DCLK1: variants seen among roughly 807,000 people sequenced by gnomAD.
DCLK1 encodes serine/threonine-protein kinase DCLK1.
A neutral mutation model predicts 86.2 loss-of-function variants in DCLK1; 16 were observed. The ratio of observed to expected loss-of-function variants is 0.19; its 90% confidence interval spans 0.13 to 0.28. DCLK1 has a LOEUF of 0.28. Among genes scored for constraint, DCLK1 ranks in the 10% least tolerant of loss-of-function variants. The probability of loss-of-function intolerance (pLI) is 1.00; values close to 1 mark genes in which losing one functional copy is unlikely to be tolerated. For missense variants in DCLK1, 590 were observed against 940.2 expected (o/e 0.63, Z 4.87); for synonymous variants, 369 against 370.5 (o/e 1.00, Z 0.05).
At chr13:35,834,735 G>A (rs1054551818) in intron 8 of DCLK1, among the ~76,000 whole-genome samples, 5 of 152,156 alleles carry the variant, frequency 3.3e-5, no homozygotes, top group African/African-American at 1.2e-4. Context: ...GGAGAACGGT[G>A]GCCTGGCAGC....
chr13:36,079,740 T>A (rs559335532), intron 3 of DCLK1, among the ~76,000 whole-genome samples: 3 of 151,698 alleles, frequency 2.0e-5, no homozygotes, highest in East Asian at 1.9e-4. Flanking sequence ...TGCTACAATT[T>A]AAAAAAAAAT....
intron 10 of DCLK1, among the ~76,000 whole-genome samples, chr13:35,825,287 G>A (rs1252264924): frequency 4.6e-5 from 7 of 152,126 alleles, no homozygotes; most frequent in Admixed American, 1.3e-4. Context: ...ACTTCCCTGG[G>A]AAGCTTCTCG....
chr13:36,013,909 G>T (rs1418723520), intron 3 of DCLK1, among the ~76,000 whole-genome samples: 5 of 152,232 alleles, frequency 3.3e-5, no homozygotes, highest in Non-Finnish European at 5.9e-5. Flanking sequence ...CTCCGAGCCA[G>T]GTGTGGGATA....
intron 7 of DCLK1, among the ~76,000 whole-genome samples, chr13:35,837,798 G>A (rs1463162275): frequency 6.6e-6 from 1 of 152,092 alleles, no homozygotes. Context: ...GGGTGTGGTG[G>A]CTCATGCCTG....
intron 3 of DCLK1, among the ~76,000 whole-genome samples, chr13:35,953,036 T>C (rs1350069643): frequency 6.6e-6 from 1 of 152,220 alleles, no homozygotes; most frequent in Non-Finnish European, 1.5e-5. Flanking sequence ...ATCACAGTAA[T>C]TATATGATAA....
At chr13:35,982,409 G>GGAGA (rs1165995449) in intron 3 of DCLK1, among the ~76,000 whole-genome samples, 2 of 74,284 alleles carry the variant, frequency 2.7e-5, no homozygotes, top group Admixed American at 1.9e-4. Context: ...GAAAAGAAAG[G>GGAGA]GAGAGAGAGA....
rs149535428 is a variant in DCLK1 at position 35,874,891 on chromosome 13, G to A, written c.824-3551C>T. On this transcript the variant is annotated intron_variant, in intron 4 of 16. Coordinates refer to ENST00000360631, the MANE Select transcript of DCLK1 (RefSeq NM_001330071.2). ...AGCTTTGGCCTCTGCCTAGCCTTTTGGAAGTACACTAGCAACCAAACTGGA... is the reference window on the plus strand; with the variant it reads ...AGCTTTGGCCTCTGCCTAGCCTTTTAGAAGTACACTAGCAACCAAACTGGA... Among the ~76,000 whole-genome samples the A allele has an allele frequency of 1.6e-3, 238 of 152,322 alleles. 1 individual carries two copies. Among genetic ancestry groups the A allele is most frequent in the African/African-American group, 5.5e-3 (227 of 41,580 alleles).
At chr13:35,789,741 G>GCT (rs2086679694) in intron 16 of DCLK1, among the ~76,000 whole-genome samples, 1 of 152,130 alleles carries the variant, frequency 6.6e-6, no homozygotes, top group Non-Finnish European at 1.5e-5. Context: ...CTTAGTCATC[G>GCT]GTTCTTCATC....
chr13:35,793,237 T>C (rs2086740665), intron 16 of DCLK1, 129 bp downstream of exon 16: 1 of 585,844 alleles, frequency 1.7e-6, no homozygotes, highest in Non-Finnish European at 3.0e-6. Context: ...CTCTAGTGCA[T>C]TAAGTGGCTG....
At chr13:35,995,571 G>A (rs1424679807) in intron 3 of DCLK1, among the ~76,000 whole-genome samples, 1 of 152,106 alleles carries the variant, frequency 6.6e-6, no homozygotes, top group Non-Finnish European at 1.5e-5. Context: ...GAACAATCTG[G>A]GAGGCTCTTC....
chr13:36,106,911 AT>A (rs1444060515), intron 3 of DCLK1, among the ~76,000 whole-genome samples: 1 of 152,168 alleles, frequency 6.6e-6, no homozygotes, highest in African/African-American at 2.4e-5. Context: ...AGTCGACCAA[AT>A]TATTTTTACT....
rs372376341 is a variant in DCLK1 at position 35,793,443 on chromosome 13, C to G, written c.1981G>C (p.Val661Leu). The G allele has an allele frequency of 6.2e-7, 1 of 1,608,642 alleles. No individual in the cohort carries two copies. Among genetic ancestry groups the G allele is most frequent in the Non-Finnish European group, 8.5e-7 (1 of 1,177,288 alleles). Residue 661 changes from valine to leucine, a missense_variant, in exon 16 of 17, where the codon GTA becomes CTA. Physicochemically the swap from Val to Leu is conservative, Grantham distance 32. This residue lies in a region of DCLK1 where 146 missense variants were observed against 190.2 expected (regional missense o/e 0.77). Coordinates refer to ENST00000360631, the MANE Select transcript of DCLK1 (RefSeq NM_001330071.2). ...GLPENEHQLS[V>L]AGKIKKHFNT... ...AAATGCTTCTTTATCTTTCCAGCTA[C>G]TGACAGCTGATGTTCATTTTCTGGG...
intron 3 of DCLK1, among the ~76,000 whole-genome samples, chr13:36,034,629 T>C (rs954095263): frequency 6.6e-6 from 1 of 152,126 alleles, no homozygotes; most frequent in Non-Finnish European, 1.5e-5. Context: ...AGGAAAACCA[T>C]ATGAATTTCA....
At chr13:35,956,976 A>G (rs912704664) in intron 3 of DCLK1, among the ~76,000 whole-genome samples, 1 of 152,188 alleles carries the variant, frequency 6.6e-6, no homozygotes, top group Non-Finnish European at 1.5e-5. Context: ...TACCTTCAAA[A>G]AAGATTTTCA....
At chr13:35,849,990 T>G (rs1183385316) in intron 6 of DCLK1, 1 of 965,910 alleles carries the variant, frequency 1.0e-6, no homozygotes, top group Non-Finnish European at 1.2e-6. Flanking sequence ...GCATATAGCT[T>G]AAGCTAAATT....
chr13:35,882,467 C>T (rs545132076), intron 4 of DCLK1, among the ~76,000 whole-genome samples: 1 of 152,328 alleles, frequency 6.6e-6, no homozygotes, highest in South Asian at 2.1e-4. Flanking sequence ...TGATACCAGC[C>T]TCTCTTGAGC....
chr13:35,936,962 C>CTTTTTTTT lies in DCLK1; in HGVS notation c.823+10388_823+10395dup, dbSNP rs140269668. ...TTAAAACATCCAAAAGAAAAGTTAG[C>CTTTTTTTT]TTTTTTTTTTTTTTTTTTTTTTTTT... On this transcript the variant is annotated intron_variant, in intron 4 of 16. Coordinates refer to ENST00000360631, the MANE Select transcript of DCLK1 (RefSeq NM_001330071.2). Among the ~76,000 whole-genome samples, 8 of 65,736 alleles carry CTTTTTTTT rather than the reference C, an allele frequency of 1.2e-4. 1 individual carries two copies. Among genetic ancestry groups the CTTTTTTTT allele is most frequent in the African/African-American group, 3.2e-4 (6 of 18,892 alleles). The allele number at this position is 65,736 out of a possible 152,430, so 43.1% of individuals were successfully genotyped here.
intron 10 of DCLK1, among the ~76,000 whole-genome samples, chr13:35,826,296 G>C (rs1331095633): frequency 6.6e-6 from 1 of 151,190 alleles, no homozygotes; most frequent in Non-Finnish European, 1.5e-5. Context: ...GGCCGAGGTG[G>C]GCGGATCACC....
chr13:36,012,271 T>C (rs551152603), intron 3 of DCLK1, among the ~76,000 whole-genome samples: 1 of 147,984 alleles, frequency 6.8e-6, no homozygotes, highest in East Asian at 2.0e-4. Context: ...CCTGTCATTA[T>C]GATGTTAGCT....
Sources: allele counts gnomAD v4.1 joint callset (sites outside exome capture counted in the v4.1 genomes callset), GRCh38; gene constraint gnomAD v4.1.1; regional missense constraint gnomAD v4.1.1; transcripts MANE v1.5; gene names NCBI Gene and HGNC (gene_info 2026-07-23, HGNC 2026-07-21).